Variants in LIN54 observed in about 807,000 individuals in gnomAD.
LIN54 encodes protein lin-54 homolog.
A neutral mutation model predicts 78.7 loss-of-function variants in LIN54; 9 were observed. The ratio of observed to expected loss-of-function variants is 0.11; its 90% confidence interval spans 0.07 to 0.20. LIN54 has a LOEUF of 0.20. Among genes scored for constraint, LIN54 ranks in the 10% least tolerant of loss-of-function variants. LIN54 has a pLI of 1.00. For missense variants in LIN54, 573 were observed against 889.9 expected (o/e 0.64, Z 4.53); for synonymous variants, 269 against 318.4 (o/e 0.84, Z 1.65).
In LIN54 at chr4:82,937,291, G is replaced by A. The variant is rs770311395; in HGVS notation, c.1540C>T (p.Pro514Ser). Residue 514 changes from proline (P) to serine (S), a missense_variant, in exon 9 of 13, where the codon CCA becomes TCA. By Grantham distance (74) the Pro-to-Ser change is moderately conservative. Transcript: ENST00000340417. ...QARLPFNGII[P>S]SESASRPRKP... ...CGGGGCCGACTGGCCGACTCTGATGGGATTATGCTGTACAGATAGAAAAAA... is the reference window on the plus strand; with the variant it reads ...CGGGGCCGACTGGCCGACTCTGATGAGATTATGCTGTACAGATAGAAAAAA... The A allele has an allele frequency of 6.3e-7, 1 of 1,589,678 alleles. No homozygotes were observed.
At chr4:82,952,227 G>T (rs376617217) in intron 4 of LIN54, among the ~76,000 whole-genome samples, 22 of 152,244 alleles carry the variant, frequency 1.4e-4, no homozygotes, top group Admixed American at 9.8e-4. Flanking sequence ...ATCGTATATT[G>T]ATAAGTGATT....
At chr4:83,003,251 T>G (rs192364518) in intron 1 of LIN54, among the ~76,000 whole-genome samples, 5 of 151,950 alleles carry the variant, frequency 3.3e-5, no homozygotes. Flanking sequence ...CTGACCTCAA[T>G]TGATCCGCCC....
At chr4:82,956,873 T>C (rs1724380567) in intron 4 of LIN54, among the ~76,000 whole-genome samples, 1 of 152,002 alleles carries the variant, frequency 6.6e-6, no homozygotes, top group Admixed American at 6.6e-5. Context: ...TTCTCCCACC[T>C]CAGTCTCCCA....
At chr4:82,968,446 C>T (rs1055889328) in intron 4 of LIN54, among the ~76,000 whole-genome samples, 19 of 152,052 alleles carry the variant, frequency 1.2e-4, no homozygotes, top group Non-Finnish European at 2.4e-4. Context: ...CCATCTACCC[C>T]GTTATCTAAG....
At chr4:82,997,822 G>A (rs973689980) in intron 1 of LIN54, among the ~76,000 whole-genome samples, 7 of 151,436 alleles carry the variant, frequency 4.6e-5, no homozygotes, top group African/African-American at 1.7e-4. Context: ...GTGAAACCCT[G>A]TCTCTGCAAA....
chr4:82,982,156 T>C (rs1578603660), intron 2 of LIN54, among the ~76,000 whole-genome samples: 2 of 152,210 alleles, frequency 1.3e-5, no homozygotes, highest in African/African-American at 4.8e-5. Context: ...CACTGGTCAT[T>C]GAAATGTCAC....
At chr4:82,974,563 A>C (rs934377547) in intron 3 of LIN54, among the ~76,000 whole-genome samples, 1 of 151,524 alleles carries the variant, frequency 6.6e-6, no homozygotes, top group Admixed American at 6.6e-5. Flanking sequence ...GTGGTGAAAC[A>C]CCATCTCTAC....
intron 3 of LIN54, among the ~76,000 whole-genome samples, chr4:82,972,245 A>G (rs1310455947): frequency 1.3e-5 from 2 of 151,756 alleles, no homozygotes; most frequent in African/African-American, 2.4e-5. Flanking sequence ...TTTTTAGACA[A>G]TGGAGTTTTG....
rs1370976052 is a variant in LIN54, at chr4:82,946,243, A to G, written c.1168+15T>C. 6.3e-7 allele frequency: 1 copy of G among 1,594,734 alleles called. No homozygotes were observed. Reference sequence around the variant, plus strand: ...TAAAAGCATGAATTACTGTTTTTAAAAAATGGTTACTAACCTTGCTGAAGA... The same window carrying G: ...TAAAAGCATGAATTACTGTTTTTAAGAAATGGTTACTAACCTTGCTGAAGA... On this transcript the variant is annotated intron_variant, in intron 5 of 12. Transcript: ENST00000340417.
In LIN54 at chr4:82,927,776, T is replaced by C. The variant is rs1360012376; in HGVS notation, c.*326A>G. On this transcript the variant is annotated 3_prime_UTR_variant, in exon 13 of 13. Transcript: ENST00000340417. Reference sequence around the variant, plus strand: ...CTATTAACAAAGTCATACAACACCATACATTATAAATTATATGAATTTATA... The same window carrying C: ...CTATTAACAAAGTCATACAACACCACACATTATAAATTATATGAATTTATA... 8.4e-6 allele frequency: 2 copies of C among 237,890 alleles called. No homozygotes were observed. The highest frequency in any genetic ancestry group is 4.6e-5 in the African/African-American group (2 of 43,882). 14.7% of individuals were successfully genotyped at this position (237,890 alleles called of 1,614,324 possible).
upstream of LIN54, chr4:83,010,936 G>T (rs986901523): frequency 1.9e-5 from 16 of 830,872 alleles, no homozygotes; most frequent in Non-Finnish European, 2.4e-5. Context: ...CACAAGGGCC[G>T]TGCAAGTGCA....
intron 1 of LIN54, among the ~76,000 whole-genome samples, chr4:83,001,593 C>T (rs1728775857): frequency 6.6e-6 from 1 of 151,242 alleles, no homozygotes; most frequent in South Asian, 2.1e-4. Context: ...CGCCTGTAAT[C>T]CCAGCACCTT....
At chr4:82,989,827 C>T (rs1158668342) in intron 1 of LIN54, among the ~76,000 whole-genome samples, 3 of 152,166 alleles carry the variant, frequency 2.0e-5, no homozygotes, top group African/African-American at 7.2e-5. Flanking sequence ...GGTTTTGAAT[C>T]CACCTAAAGC....
intron 2 of LIN54, among the ~76,000 whole-genome samples, chr4:82,983,041 CTT>C (rs1033190230): frequency 3.6e-5 from 5 of 137,576 alleles, no homozygotes; most frequent in African/African-American, 1.1e-4. Flanking sequence ...GAGTTTCGCT[CTT>C]GTCACCCAGG....
At chr4:83,004,395 T>C (rs1444023743) in intron 1 of LIN54, among the ~76,000 whole-genome samples, 2 of 62,932 alleles carry the variant, frequency 3.2e-5, no homozygotes. Context: ...TGAGACTCCG[T>C]TGCAAAAAAA....
intron 3 of LIN54, among the ~76,000 whole-genome samples, chr4:82,973,094 C>A (rs1285967060): frequency 6.6e-6 from 1 of 151,610 alleles, no homozygotes; most frequent in Non-Finnish European, 1.5e-5. Context: ...AGTAATAAAA[C>A]TTTTACTATC....
chr4:82,964,377 T>C (rs1047511586), intron 4 of LIN54, among the ~76,000 whole-genome samples: 5 of 152,192 alleles, frequency 3.3e-5, no homozygotes, highest in Non-Finnish European at 5.9e-5. Flanking sequence ...TCTTGCCTTA[T>C]TGCATTAATT....
intron 3 of LIN54, among the ~76,000 whole-genome samples, chr4:82,971,821 T>C (rs1210630312): frequency 6.6e-6 from 1 of 152,062 alleles, no homozygotes; most frequent in Non-Finnish European, 1.5e-5. Context: ...AAGAGGAAAG[T>C]CAAGCATCTA....
chr4:82,944,702 A>G (rs570368075), intron 5 of LIN54: 2 of 152,286 alleles, frequency 1.3e-5, no homozygotes, highest in African/African-American at 4.8e-5. Context: ...AGCAACAGGT[A>G]GCTCCAAATC....
Sources: allele counts gnomAD v4.1 joint callset (sites outside exome capture counted in the v4.1 genomes callset), GRCh38; gene constraint gnomAD v4.1.1; transcripts MANE v1.5; gene names NCBI Gene and HGNC (gene_info 2026-07-23, HGNC 2026-07-21).